Variants in FAM135A observed in about 807,000 individuals in gnomAD.
FAM135A encodes protein FAM135A.
In FAM135A, 79 loss-of-function variants were observed where a neutral mutation model predicts 146.8. That is an observed-to-expected ratio of 0.54 (90% CI 0.45 to 0.65). The LOEUF (loss-of-function observed/expected upper bound fraction) is 0.65, where lower values mean the gene tolerates loss of function less well. Among genes scored for constraint, FAM135A ranks in the 30% least tolerant of loss-of-function variants. The pLI, the probability that FAM135A is intolerant of heterozygous loss-of-function variation, is 0.00. For synonymous variants in FAM135A, 562 were observed against 603.6 expected, an observed-to-expected ratio of 0.93 and a Z score of 1.01; for missense variants, 1,623 against 1,758.2, an observed-to-expected ratio of 0.92 and a Z score of 1.38.
intron 20 of FAM135A, among the ~76,000 whole-genome samples, chr6:70,553,145 C>T (rs1800164949): frequency 6.6e-6 from 1 of 152,120 alleles, no homozygotes; most frequent in African/African-American, 2.4e-5. Context: ...AGTGAACCAA[C>T]CATGTTGCTC....
At chr6:70,531,863 A>G (rs1795850440) in intron 16 of FAM135A, among the ~76,000 whole-genome samples, 1 of 132,474 alleles carries the variant, frequency 7.5e-6, no homozygotes, top group East Asian at 2.3e-4. Context: ...ATGTTGTTTG[A>G]TAAGGTTTCT....
At chr6:70,440,818 G>A (rs2127943710) in intron 4 of FAM135A, among the ~76,000 whole-genome samples, 1 of 152,142 alleles carries the variant, frequency 6.6e-6, no homozygotes, top group East Asian at 1.9e-4. Flanking sequence ...GTTTTCAGAA[G>A]TTTGCAGGAA....
At chr6:70,470,918 G>A (rs924693512) in intron 5 of FAM135A, among the ~76,000 whole-genome samples, 1 of 152,186 alleles carries the variant, frequency 6.6e-6, no homozygotes, top group African/African-American at 2.4e-5. Flanking sequence ...TAGAACTTCT[G>A]ATTATTTTTA....
At chr6:70,527,912 G>A (rs1582774575) in intron 15 of FAM135A, among the ~76,000 whole-genome samples, 2 of 152,008 alleles carry the variant, frequency 1.3e-5, no homozygotes, top group East Asian at 3.8e-4. Flanking sequence ...GGAGCAAAGG[G>A]GATAAGATTT....
chr6:70,534,391 C>T (rs1213836480), intron 18 of FAM135A, among the ~76,000 whole-genome samples: 2 of 142,144 alleles, frequency 1.4e-5, no homozygotes, highest in African/African-American at 2.7e-5. Context: ...GCCATCTCGG[C>T]TCACTGCAGT....
intron 1 of FAM135A, among the ~76,000 whole-genome samples, chr6:70,414,827 A>T (rs9455093): frequency 1.1e-4 from 16 of 152,066 alleles, no homozygotes; most frequent in African/African-American, 3.4e-4. Context: ...GTACAGACTA[A>T]ATGAAACTAT....
At chr6:70,550,166 T>C (rs1184429246) in intron 20 of FAM135A, among the ~76,000 whole-genome samples, 1 of 152,216 alleles carries the variant, frequency 6.6e-6, no homozygotes, top group Non-Finnish European at 1.5e-5. Flanking sequence ...CTCAAAGTTA[T>C]CCATGAAGGT....
At chr6:70,449,964 T>G (rs995494490) in intron 4 of FAM135A, among the ~76,000 whole-genome samples, 23 of 152,254 alleles carry the variant, frequency 1.5e-4, no homozygotes, top group African/African-American at 5.5e-4. Flanking sequence ...TTCTAACGGA[T>G]GTGGGTGATT....
Position 70,428,298 on chromosome 6 carries a change from A to G in FAM135A, c.-39-6A>G. The G allele has an allele frequency of 7.3e-7, 1 of 1,378,892 alleles. No individual in the cohort carries two copies. The highest frequency in any genetic ancestry group is 9.9e-7 in the Non-Finnish European group (1 of 1,014,808). The allele number at this position is 1,378,892 out of a possible 1,614,324, so 85.4% of individuals were successfully genotyped here. A position where few individuals can be genotyped will look rare whatever the true frequency, so the allele number is the denominator to read the frequency against. On this transcript the variant is annotated splice_region_variant and splice_polypyrimidine_tract_variant and intron_variant, in intron 3 of 21. Transcript: ENST00000418814. The stretch of plus-strand genomic sequence containing the variant: ...TCTCATGATTTTTTCCCTTTCCTTA[A>G]CAAAGGTGCTGTTATCAGAATAGTC...
In FAM135A at chr6:70,525,172, T is replaced by G; in HGVS notation, c.2088T>G (p.Phe696Leu). The G allele has an allele frequency of 6.3e-7, 1 of 1,588,662 alleles. No individual in the cohort carries two copies. Among genetic ancestry groups the G allele is most frequent in the Non-Finnish European group, 8.5e-7 (1 of 1,171,144 alleles). Reference protein sequence around the residue: ...EILVDNLLPNFESLESNGKSK... With the variant: ...EILVDNLLPNLESLESNGKSK... ...TTGTGGATAATTTACTACCCAACTT[T>G]GAGTCCTTAGAATCTAATGGTAAAT... is the stretch of plus-strand genomic sequence containing the variant. Residue 696 changes from phenylalanine (F) to leucine (L), a missense_variant, in exon 15 of 22, where the codon TTT (phenylalanine) becomes TTG (leucine). Transcript: ENST00000418814.
rs781723466 is a variant in FAM135A at position 70,556,742 on chromosome 6, A to G, written c.4229-8A>G. 16 of 1,573,150 alleles carry G rather than the reference A, an allele frequency of 1.0e-5. No homozygotes were observed. The highest frequency in any genetic ancestry group is 1.4e-5 in the Non-Finnish European group (16 of 1,152,306). ...ACTGCATTATAATTTATTATATTCT[A>G]TTCACAGGGCTTCATTATTTCAAAA... On this transcript the variant is annotated splice_region_variant and splice_polypyrimidine_tract_variant and intron_variant, in intron 20 of 21. Transcript: ENST00000418814.
chr6:70,444,851 A>T (rs2639293), intron 4 of FAM135A, among the ~76,000 whole-genome samples: 7,271 of 152,272 alleles, frequency 0.048, 387 homozygotes, highest in African/African-American at 0.12. Context: ...AGATTAAAAA[A>T]TTTTTTAACA....
chr6:70,452,514 A>G lies in FAM135A; in HGVS notation c.100A>G (p.Met34Val), dbSNP rs753471313. The G allele has an allele frequency of 4.4e-6, 7 of 1,597,444 alleles. No individual in the cohort carries two copies. In the South Asian group the frequency reaches 4.6e-5, roughly 11 times the overall value. Reference protein sequence around the residue: ...QRGFYQIRASMKIPSRIPHRV... With the variant: ...QRGFYQIRASVKIPSRIPHRV... ...TAGTTTTTACCAGATTCGTGCTTCT[A>G]TGAAAATTCCATCAAGAATTCCCCA... Residue 34 changes from methionine (M) to valine (V), a missense_variant, in exon 5 of 22, where the codon ATG becomes GTG. By Grantham distance (21) the Met-to-Val change is conservative. This residue lies in a region of FAM135A where 171 missense variants were observed against 164.9 expected (regional missense o/e 1.04). Transcript: ENST00000418814.
At chr6:70,551,447 A>G (rs1209611161) in intron 20 of FAM135A, among the ~76,000 whole-genome samples, 2 of 152,114 alleles carry the variant, frequency 1.3e-5, no homozygotes, top group East Asian at 3.9e-4. Flanking sequence ...TATTTCTACA[A>G]AAAATAACAA....
chr6:70,492,098 A>C (rs567609459), intron 11 of FAM135A, among the ~76,000 whole-genome samples: 1 of 152,010 alleles, frequency 6.6e-6, no homozygotes, highest in Non-Finnish European at 1.5e-5. Flanking sequence ...TTTAAATAAT[A>C]CAAATGTAGA....
intron 20 of FAM135A, among the ~76,000 whole-genome samples, chr6:70,544,460 G>A (rs1055329289): frequency 5.9e-5 from 9 of 151,990 alleles, no homozygotes; most frequent in South Asian, 2.1e-4. Context: ...CCTGGGAGGC[G>A]GAGGTTGCAG....
rs1794648859 is a variant in FAM135A at position 70,526,165 on chromosome 6, T to G, written c.3081T>G (p.Phe1027Leu). The G allele has an allele frequency of 6.2e-7, 1 of 1,613,516 alleles. No individual in the cohort carries two copies. Among genetic ancestry groups the G allele is most frequent in the African/African-American group, 1.3e-5 (1 of 74,926 alleles). The change falls in exon 15 of 22, where the codon TTT becomes TTG. Residue 1027 changes from phenylalanine (F) to leucine (L), a missense_variant. Around this residue, in one of 7 missense-constraint regions of FAM135A, gnomAD observed 1,061 missense variants for 1,113.8 expected, o/e 0.95. Transcript: ENST00000418814. ...SETHLGTSDP[F>L]SASTDIVKQG... ...CTCATCTGGGTACAAGTGATCCTTT[T>G]TCAGCCAGTACTGATATAGTAAAGC...
In FAM135A at chr6:70,560,806, ATTG is replaced by A. The variant is rs936547806; in HGVS notation, c.*888_*890del. ...TTATGAATTTAGATAATTTTTAAAT[ATTG>A]TTAAAATTTATTGAACTAAAAAGTA... On this transcript the variant is annotated 3_prime_UTR_variant, in exon 22 of 22. Transcript: ENST00000418814. 125 of 152,704 alleles carry A rather than the reference ATTG, an allele frequency of 8.2e-4. No individual in the cohort carries two copies. The highest frequency in any genetic ancestry group is 3.0e-3 in the African/African-American group (125 of 41,596). The allele number at this position is 152,704 out of a possible 1,614,324, so 9.5% of individuals were successfully genotyped here.
intron 5 of FAM135A, among the ~76,000 whole-genome samples, chr6:70,467,914 A>G (rs1166945051): frequency 5.3e-5 from 8 of 152,096 alleles, no homozygotes; most frequent in Non-Finnish European, 1.2e-4. Flanking sequence ...TTTAGTCTCT[A>G]ACTTAAACAT....
Sources: gnomAD v4.1 joint callset for allele counts (sites outside exome capture counted in the v4.1 genomes callset) on GRCh38, gnomAD v4.1.1 for gene constraint, gnomAD v4.1.1 regional missense constraint, MANE v1.5 for transcripts, NCBI Gene and HGNC (gene_info 2026-07-23, HGNC 2026-07-21) for gene names.